GTPBP4: variants seen among roughly 807,000 people sequenced by gnomAD.
GTPBP4 encodes GTP binding protein 4.
A neutral mutation model predicts 81.7 loss-of-function variants in GTPBP4; 15 were observed. The observed-to-expected ratio is 0.18, with a 90% CI of 0.12 to 0.28. The LOEUF is 0.28. GTPBP4 is among the 10% of genes least tolerant of loss of function. The probability of loss-of-function intolerance (pLI) is 1.00; values close to 1 mark genes in which losing one functional copy is unlikely to be tolerated. For missense variants in GTPBP4, 847 were observed against 793.8 expected (o/e 1.07, Z -0.81); for synonymous variants, 272 against 274.6 (o/e 0.99, Z 0.09).
intron 8 of GTPBP4, among the ~76,000 whole-genome samples, chr10:1,005,509 C>G (rs368094612): frequency 1.1e-4 from 16 of 152,138 alleles, no homozygotes; most frequent in African/African-American, 3.6e-4. Flanking sequence ...GTGCCTGTTA[C>G]TCCTGTGATG....
At chr10:1,009,273 A>C (rs1386778775) in intron 11 of GTPBP4, among the ~76,000 whole-genome samples, 1 of 152,210 alleles carries the variant, frequency 6.6e-6, no homozygotes, top group Non-Finnish European at 1.5e-5. Flanking sequence ...AGATGGCCAG[A>C]AACAGCCTCT....
Position 1,012,096 on chromosome 10 carries a change from C to T in GTPBP4, c.1345-369C>T, listed in dbSNP as rs79359893. Among the ~76,000 whole-genome samples the T allele has an allele frequency of 9.6e-3, 1,466 of 152,274 alleles. 25 individuals carry two copies. The highest frequency in any genetic ancestry group is 0.033 in the African/African-American group (1,380 of 41,528). On this transcript the variant is annotated intron_variant, in intron 13 of 16. Transcript: ENST00000360803. The stretch of plus-strand genomic sequence containing the variant: ...ATTTGGGGTGACATTAGAACGGACA[C>T]GTGGGATGTGGCACGAAATCAGTGT...
chr10:1,005,311 A>T (rs7084337), intron 8 of GTPBP4, among the ~76,000 whole-genome samples: 116,624 of 151,980 alleles, frequency 0.77, 45,120 homozygotes, highest in East Asian at 0.9. Flanking sequence ...ACGCCTGGCT[A>T]ATTTTTTATA....
chr10:1,013,140 C>T (rs566931655), intron 14 of GTPBP4, among the ~76,000 whole-genome samples: 9 of 152,122 alleles, frequency 5.9e-5, no homozygotes, highest in Admixed American at 3.3e-4. Context: ...CCTGCCACTA[C>T]GCCTGGCTAA....
chr10:1,014,441 T>C, intron 15 of GTPBP4, 129 bp downstream of exon 15: 1 of 625,734 alleles, frequency 1.6e-6, no homozygotes, highest in South Asian at 1.6e-5. Flanking sequence ...CAGATCATGA[T>C]GTCAGGGGTT....
In GTPBP4 at chr10:1,009,698, A is replaced by G. The variant is rs1831814189; in HGVS notation, c.1243+118A>G. 7 of 740,318 alleles carry G rather than the reference A, an allele frequency of 9.5e-6. No individual in the cohort carries two copies. In the East Asian group the frequency reaches 1.8e-4, roughly 19 times the overall value. The allele number at this position is 740,318 out of a possible 1,614,324, so 45.9% of individuals were successfully genotyped here. On this transcript the variant is annotated intron_variant, in intron 12 of 16. Coordinates refer to ENST00000360803, the MANE Select transcript of GTPBP4 (RefSeq NM_012341.3). ...TGTTTCAGCCTATTTGTCAACTTTT[A>G]ATTTCTTGAAGATTAAAAGTTGCAT...
chr10:996,262 G>A lies in GTPBP4; in HGVS notation c.460+20G>A, dbSNP rs189068542. ...AGCAAGGTGCTTGTCACGCATCCGC[G>A]GGAACCGTGCTAGCATCCTGCTGAG... On this transcript the variant is annotated intron_variant, in intron 4 of 16. Transcript: ENST00000360803. The A allele has an allele frequency of 5.9e-5, 94 of 1,604,338 alleles. No homozygotes were observed. The Admixed American group carries it at 8.6e-4, about 15-fold the overall frequency.
chr10:1,001,504 T>G (rs1361411788), intron 8 of GTPBP4, among the ~76,000 whole-genome samples: 1 of 152,232 alleles, frequency 6.6e-6, no homozygotes, highest in African/African-American at 2.4e-5. Flanking sequence ...GATTGAATCC[T>G]ACAACCTTTT....
intron 5 of GTPBP4, among the ~76,000 whole-genome samples, chr10:997,929 C>T (rs1017326704): frequency 6.6e-6 from 1 of 152,124 alleles, no homozygotes; most frequent in Non-Finnish European, 1.5e-5. Context: ...TTTGTTGCTT[C>T]AGGAAAGTTT....
chr10:992,621 A>G lies in GTPBP4; in HGVS notation c.181A>G (p.Arg61Gly). ...ATTTACTCAACAGAATTACCATGAT[A>G]GACTTTCACAAATTCTAACAGATTT... ...VKFTQQNYHD[R>G]LSQILTDFPK... is the part of the protein sequence containing the mutation. The change falls in exon 2 of 17, where the codon AGA becomes GGA. Residue 61 changes from arginine (R) to glycine (G), a missense_variant. Physicochemically the swap from Arg to Gly is moderately radical, Grantham distance 125. Transcript: ENST00000360803. The G allele has an allele frequency of 1.2e-6, 2 of 1,607,120 alleles. No individual in the cohort carries two copies. Among genetic ancestry groups the G allele is most frequent in the East Asian group, 2.2e-5 (1 of 44,830 alleles).
At chr10:1,005,738 C>A in intron 8 of GTPBP4, 80 bp from the exon 9 acceptor site, 1 of 794,948 alleles carries the variant, frequency 1.3e-6, no homozygotes, top group Non-Finnish European at 2.2e-6. Context: ...TTGCAGCCTC[C>A]ATTTGCAGAA....
At chr10:1,005,637 T>G (rs1831715990) in intron 8 of GTPBP4, among the ~76,000 whole-genome samples, 181 bp from the exon 9 acceptor site, 1 of 152,226 alleles carries the variant, frequency 6.6e-6, no homozygotes. Flanking sequence ...GTCATTTGTG[T>G]TTTCTTGATC....
intron 2 of GTPBP4, among the ~76,000 whole-genome samples, chr10:995,240 TG>T (rs1307525816): frequency 6.6e-6 from 1 of 152,192 alleles, no homozygotes; most frequent in Non-Finnish European, 1.5e-5. Flanking sequence ...CATGAATGTT[TG>T]GGGTAGAGCT....
rs1244344026 is a variant in GTPBP4 at position 988,535 on chromosome 10, GC to G, written c.48+12del. On this transcript the variant is annotated intron_variant, in intron 1 of 16. Coordinates refer to ENST00000360803, the MANE Select transcript of GTPBP4 (RefSeq NM_012341.3). The stretch of plus-strand genomic sequence containing the variant: ...GTGGTGCCGTCCGCCAAGGTAGGCG[GC>G]CCCGGGAGGGCCACTGCAACTTTCG... 1.2e-6 allele frequency: 2 copies of G among 1,607,012 alleles called. No homozygotes were observed. Among genetic ancestry groups the G allele is most frequent in the Non-Finnish European group, 1.7e-6 (2 of 1,174,554 alleles).
chr10:1,014,667 G>T (rs907945577), intron 15 of GTPBP4, among the ~76,000 whole-genome samples: 6 of 151,866 alleles, frequency 4.0e-5, no homozygotes, highest in African/African-American at 7.3e-5. Context: ...TCAAAAAAAA[G>T]AAAGAAAGAA....
chr10:1,004,048 T>C (rs1831683314), intron 8 of GTPBP4, among the ~76,000 whole-genome samples: 2 of 151,808 alleles, frequency 1.3e-5, no homozygotes, highest in Admixed American at 1.3e-4. Flanking sequence ...ACCCGTGGGG[T>C]CAGGGCACAG....
chr10:1,016,996 G>C, intron 16 of GTPBP4, 79 bp from the exon 17 acceptor site: 1 of 1,173,440 alleles, frequency 8.5e-7, no homozygotes, highest in South Asian at 1.4e-5. Flanking sequence ...TAAACAGATT[G>C]TTACCCAGTA....
At chr10:995,548 A>AT (rs1831524049) in intron 2 of GTPBP4, among the ~76,000 whole-genome samples, 3 of 151,796 alleles carry the variant, frequency 2.0e-5, no homozygotes, top group Admixed American at 6.6e-5. Context: ...GGAATTTTTG[A>AT]TTTTTTTTCC....
intron 9 of GTPBP4, 54 bp downstream of exon 9, chr10:1,005,961 C>A: frequency 1.1e-6 from 1 of 894,198 alleles, no homozygotes; most frequent in South Asian, 1.6e-5. Context: ...TTGTTTGATT[C>A]AAGTCAGTTG....
Sources: gnomAD v4.1 joint callset for allele counts (sites outside exome capture counted in the v4.1 genomes callset) on GRCh38, gnomAD v4.1.1 for gene constraint, MANE v1.5 for transcripts, NCBI Gene and HGNC (gene_info 2026-07-23, HGNC 2026-07-21) for gene names.